The following LAMC3 variants were observed in gnomAD, a reference collection of about 807,000 sequenced individuals.
LAMC3 encodes the protein laminin subunit gamma-3.
Under a neutral mutation model 173.8 loss-of-function variants are expected in LAMC3, and 128 were observed. The ratio of observed to expected loss-of-function variants is 0.74; its 90% CI spans 0.64 to 0.85. The LOEUF (loss-of-function observed/expected upper bound fraction) is 0.85, where lower values mean the gene tolerates loss of function less well. Ranked by LOEUF, LAMC3 falls within the 40% of genes least tolerant of loss-of-function variation. The pLI, the probability that LAMC3 is intolerant of heterozygous loss-of-function variation, is 0.00. For synonymous variants in LAMC3, 897 were observed against 909.1 expected, an observed-to-expected ratio of 0.99 and a Z score of 0.24; for missense variants, 2,022 against 2,156.0, an observed-to-expected ratio of 0.94 and a Z score of 1.23.
chr9:131,018,087 G>A (rs181096139), intron 1 of LAMC3, among the ~76,000 whole-genome samples: 47 of 150,506 alleles, frequency 3.1e-4, no homozygotes, highest in Admixed American at 2.5e-3. Context: ...TGATGAAAAA[G>A]TTTCTTCCAA....
At chr9:131,034,587 C>T (rs1413967670) in intron 3 of LAMC3, among the ~76,000 whole-genome samples, 2 of 152,252 alleles carry the variant, frequency 1.3e-5, no homozygotes, top group Non-Finnish European at 2.9e-5. Flanking sequence ...AGCTCCAGCT[C>T]AGCCACTTAG....
chr9:131,017,743 A>T (rs62877661), intron 1 of LAMC3, among the ~76,000 whole-genome samples: 1 of 100,078 alleles, frequency 1.0e-5, no homozygotes, highest in Non-Finnish European at 2.0e-5. Flanking sequence ...AAAAAAAAAA[A>T]GGCCAGGTGC....
chr9:131,085,496 C>G, intron 24 of LAMC3, 28 bp from the exon 25 acceptor site: 1 of 1,612,778 alleles, frequency 6.2e-7, no homozygotes, highest in South Asian at 1.1e-5. Flanking sequence ...GCCCAGTTCC[C>G]CTGACCCAGC....
intron 1 of LAMC3, among the ~76,000 whole-genome samples, chr9:131,014,095 C>G (rs916029090): frequency 6.6e-6 from 1 of 152,232 alleles, no homozygotes; most frequent in Admixed American, 6.5e-5. Context: ...TGGCCTTGGC[C>G]ACCTCTTTCT....
rs994955035 is a variant in LAMC3 at position 131,045,565 on chromosome 9, C to G, written c.1424C>G (p.Ala475Gly). 6.2e-7 allele frequency: 1 copy of G among 1,614,062 alleles called. No homozygotes were observed. The highest frequency in any genetic ancestry group is 8.5e-7 in the Non-Finnish European group (1 of 1,180,006). ...GTFNLQPHNP[A>G]GCSSCFCYGH... ...TTTAACCTGCAGCCCCACAATCCAG[C>G]TGGCTGCAGCAGCTGTTTCTGCTAT... The change falls in exon 8 of 28, where the codon GCT (alanine) becomes GGT (glycine). Residue 475 changes from alanine (A) to glycine (G), a missense_variant. Transcript: ENST00000361069.
intron 12 of LAMC3, 110 bp from the exon 13 acceptor site, chr9:131,060,925 G>C: frequency 9.0e-7 from 1 of 1,105,154 alleles, no homozygotes; most frequent in African/African-American, 1.5e-5. Flanking sequence ...GCCTGGGAAA[G>C]GTCCCCACCC....
At chr9:131,070,897 C>T (rs113113518) in intron 17 of LAMC3, among the ~76,000 whole-genome samples, 11 of 152,220 alleles carry the variant, frequency 7.2e-5, no homozygotes, top group African/African-American at 2.4e-4. Context: ...GTTTTGCTCT[C>T]GAGTGAGGAA....
chr9:131,080,234 T>G (rs1431379882), intron 23 of LAMC3: 1 of 150,134 alleles, frequency 6.7e-6, no homozygotes, highest in South Asian at 2.1e-4. Context: ...CCTCGGCCTC[T>G]CAACATGCTA....
Position 131,009,183 on chromosome 9 carries a change from C to G in LAMC3, c.-32C>G, listed in dbSNP as rs979968382. ...CGCGCCCACCCTAGCCGAGCGGGGC[C>G]GGCAGAGCGCGCGGCGTCGGTGCCC... is the stretch of plus-strand genomic sequence containing the variant. On this transcript the variant is annotated 5_prime_UTR_variant, in exon 1 of 28. Transcript: ENST00000361069. The surrounding 1 kb of genome is among the most constrained non-coding windows in gnomAD (Gnocchi z 4.3). 4.0e-5 allele frequency: 47 copies of G among 1,179,846 alleles called. No homozygotes were observed. The highest frequency in any genetic ancestry group is 4.6e-5 in the Non-Finnish European group (44 of 957,024). 73.1% of individuals were successfully genotyped at this position (1,179,846 alleles called of 1,614,324 possible).
chr9:131,034,025 C>A (rs1229577278), intron 3 of LAMC3, among the ~76,000 whole-genome samples: 1 of 152,136 alleles, frequency 6.6e-6, no homozygotes, highest in East Asian at 1.9e-4. Flanking sequence ...GTGGGAGGAG[C>A]TCCCCGGGGA....
chr9:131,013,105 C>T (rs924318616), intron 1 of LAMC3, among the ~76,000 whole-genome samples: 3 of 152,202 alleles, frequency 2.0e-5, no homozygotes, highest in South Asian at 2.1e-4. Context: ...CTCGCCCAGG[C>T]GGCATCCCAA....
chr9:131,092,138 A>C lies in LAMC3; in HGVS notation c.*351A>C. On this transcript the variant is annotated 3_prime_UTR_variant, in exon 28 of 28. Coordinates refer to ENST00000361069, the MANE Select transcript of LAMC3 (RefSeq NM_006059.4). The stretch of plus-strand genomic sequence containing the variant: ...CCATCCAGTCAGCAGCTTACGGTCC[A>C]CACACATTACAGTCCACAGCTGTTG... 2.8e-6 allele frequency: 1 copy of C among 357,574 alleles called. No homozygotes were observed. Among genetic ancestry groups the C allele is most frequent in the Non-Finnish European group, 5.4e-6 (1 of 186,800 alleles). The allele number at this position is 357,574 out of a possible 1,614,324, so 22.2% of individuals were successfully genotyped here.
intron 1 of LAMC3, among the ~76,000 whole-genome samples, chr9:131,018,740 G>T (rs1833576345): frequency 6.6e-6 from 1 of 152,116 alleles, no homozygotes; most frequent in African/African-American, 2.4e-5. Flanking sequence ...TGGACCACAT[G>T]CCCCAAACTT....
At chr9:131,050,966 G>A (rs748099724) in intron 9 of LAMC3, among the ~76,000 whole-genome samples, 6 of 152,122 alleles carry the variant, frequency 3.9e-5, no homozygotes, top group Admixed American at 2.0e-4. Context: ...TCTGGAGGCC[G>A]AATCGGAGTG....
At chr9:131,020,685 A>G (rs1258299177) in intron 1 of LAMC3, among the ~76,000 whole-genome samples, 1 of 152,198 alleles carries the variant, frequency 6.6e-6, no homozygotes, top group Non-Finnish European at 1.5e-5. Context: ...CGAGGGGCTG[A>G]GAGAATGACA....
At chr9:131,065,852 G>C (rs1053995007) in intron 13 of LAMC3, among the ~76,000 whole-genome samples, 1 of 152,108 alleles carries the variant, frequency 6.6e-6, no homozygotes, top group African/African-American at 2.4e-5. Context: ...TGATGATGAT[G>C]GAGGAAGGTG....
Position 131,026,655 on chromosome 9 carries a change from T to C in LAMC3, c.678+66T>C. The C allele has an allele frequency of 1.4e-6, 2 of 1,475,696 alleles. No individual in the cohort carries two copies. The highest frequency in any genetic ancestry group is 2.8e-5 in the African/African-American group (2 of 71,402). 91.4% of individuals were successfully genotyped at this position (1,475,696 alleles called of 1,614,324 possible). A position where few individuals can be genotyped will look rare whatever the true frequency, so the allele number is the denominator to read the frequency against. On this transcript the variant is annotated intron_variant, in intron 2 of 27. Transcript: ENST00000361069. The surrounding 1 kb of genome is among the most constrained non-coding windows in gnomAD (Gnocchi z 4.8). ...GGACTGGGTCACGGCAGTAGGAGGG[T>C]CTGATGTGCCAGGACACACAGGGTG... is the stretch of plus-strand genomic sequence containing the variant.
rs1833513204 is a variant in LAMC3 at position 131,015,991 on chromosome 9, G to A, written c.373+6404G>A. 2.6e-5 allele frequency among the ~76,000 whole-genome samples: 4 copies of A among 152,150 alleles called. No homozygotes were observed. In the South Asian group the frequency reaches 8.3e-4, roughly 32 times the overall value. ...CATTTCCACAATAGCCAAAGGCAAG[G>A]CAGCCTAAGTGTCCACCGAGGGGTG... is the stretch of plus-strand genomic sequence containing the variant. On this transcript the variant is annotated intron_variant, in intron 1 of 27. Transcript: ENST00000361069.
chr9:131,054,004 A>G (rs975592474), intron 11 of LAMC3, among the ~76,000 whole-genome samples: 8 of 135,228 alleles, frequency 5.9e-5, no homozygotes, highest in Non-Finnish European at 1.1e-4. Flanking sequence ...CCTTGTCTCT[A>G]AAAAAAAAAA....
Sources: allele counts gnomAD v4.1 joint callset (sites outside exome capture counted in the v4.1 genomes callset), GRCh38; gene constraint gnomAD v4.1.1; non-coding constraint Gnocchi (gnomAD v3.1); transcripts MANE v1.5; gene names NCBI Gene and HGNC (gene_info 2026-07-23, HGNC 2026-07-21).